Variants in IMPA2 observed in about 807,000 individuals in gnomAD.
IMPA2 encodes IMP 2.
In IMPA2, 32 loss-of-function variants were observed where a neutral mutation model predicts 35.1. The observed-to-expected ratio is 0.91, with a 90% confidence interval of 0.69 to 1.23. IMPA2 has a LOEUF of 1.23. Ranked by LOEUF, IMPA2 falls within the 50% of genes most tolerant of loss-of-function variation. IMPA2 has a pLI of 0.00. For synonymous variants in IMPA2, 135 were observed against 160.6 expected (o/e 0.84, Z 1.20); for missense variants, 334 against 387.6 (o/e 0.86, Z 1.16).
chr18:12,011,155 T>C (rs56701252), intron 3 of IMPA2, among the ~76,000 whole-genome samples: 2,538 of 152,274 alleles, frequency 0.017, 52 homozygotes, highest in African/African-American at 0.042. Context: ...TCCAGAGACA[T>C]AGTTTCCAGT....
intron 1 of IMPA2, among the ~76,000 whole-genome samples, chr18:11,998,503 C>T (rs753973418): frequency 2.6e-5 from 4 of 152,328 alleles, no homozygotes; most frequent in East Asian, 1.9e-4. Flanking sequence ...TTAGCTCTCC[C>T]GGGTTTCTCA....
At chr18:11,990,932 T>C (rs775414387) in intron 1 of IMPA2, among the ~76,000 whole-genome samples, 4 of 152,212 alleles carry the variant, frequency 2.6e-5, no homozygotes, top group Non-Finnish European at 5.9e-5. Context: ...TCAGAGTTAC[T>C]GTGTGGAATA....
chr18:12,028,565 A>G, intron 6 of IMPA2: 2 of 490,062 alleles, frequency 4.1e-6, no homozygotes, highest in East Asian at 3.4e-5. Flanking sequence ...TGTCACGTTC[A>G]GTAGAGGAGG....
intron 4 of IMPA2, 28 bp downstream of exon 4, chr18:12,012,243 C>A: frequency 6.3e-7 from 1 of 1,594,288 alleles, no homozygotes; most frequent in East Asian, 2.2e-5. Flanking sequence ...GTCCCCAGGG[C>A]CCCTCCCTGG....
chr18:11,988,194 TG>T (rs1477697562), intron 1 of IMPA2, among the ~76,000 whole-genome samples: 5 of 151,814 alleles, frequency 3.3e-5, no homozygotes, highest in Admixed American at 6.6e-5. Context: ...TTAGTAGAGA[TG>T]GGGTTTCACC....
chr18:12,008,353 A>C (rs766262092), intron 2 of IMPA2: 1 of 518,918 alleles, frequency 1.9e-6, no homozygotes, highest in South Asian at 1.4e-5. Context: ...TCTCTAGTAC[A>C]CATGTGAACC....
At chr18:11,990,358 A>AG (rs58393627) in intron 1 of IMPA2, among the ~76,000 whole-genome samples, 57,179 of 151,496 alleles carry the variant, frequency 0.38, 12,108 homozygotes, top group East Asian at 0.61. Flanking sequence ...TGTCTTTAGA[A>AG]AAAAAGCAGG....
chr18:12,020,650 ATTATC>A (rs1043324239), intron 5 of IMPA2, among the ~76,000 whole-genome samples: 4 of 151,176 alleles, frequency 2.6e-5, no homozygotes, highest in Admixed American at 2.6e-4. Context: ...TTTTCCACCA[ATTATC>A]TTATTTAAAA....
At chr18:11,997,238 C>T (rs549723724) in intron 1 of IMPA2, among the ~76,000 whole-genome samples, 2 of 152,308 alleles carry the variant, frequency 1.3e-5, no homozygotes, top group South Asian at 4.1e-4. Flanking sequence ...ACAGACAAGG[C>T]CTGTGGAGCT....
At chr18:12,024,228 T>C (rs1171462676) in intron 5 of IMPA2, among the ~76,000 whole-genome samples, 1 of 152,162 alleles carries the variant, frequency 6.6e-6, no homozygotes, top group East Asian at 1.9e-4. Flanking sequence ...AGCTATAAAA[T>C]CATTTTTAAA....
At position 12,010,026 on chromosome 18, in the gene IMPA2, C is replaced by A. The variant is rs778896648; in HGVS notation, c.335+39C>A. 8 of 1,462,338 alleles carry A rather than the reference C, an allele frequency of 5.5e-6. No individual in the cohort carries two copies. In the South Asian group the frequency reaches 9.1e-5, roughly 17 times the overall value. The allele number at this position is 1,462,338 out of a possible 1,614,324, so 90.6% of individuals were successfully genotyped here. ...GGATCGCCTCCATTGCAGGGCTTAA[C>A]ATGTCCTCTTCTGTGAGGTTTTGTC... On this transcript the variant is annotated intron_variant, in intron 3 of 7. Transcript: ENST00000269159. This position sits in a 1 kb window ranked among gnomAD's most constrained non-coding sequence, Gnocchi z 4.8.
chr18:12,029,896 G>T (rs1907998805), intron 7 of IMPA2, among the ~76,000 whole-genome samples: 1 of 152,220 alleles, frequency 6.6e-6, no homozygotes, highest in Non-Finnish European at 1.5e-5. Context: ...TCCCGCAGCA[G>T]CGGTGCACCC....
At position 12,014,291 on chromosome 18, in the gene IMPA2, CACA is replaced by C; in HGVS notation, c.409_411del (p.Thr137del). ...TTGAATTCGGAGTGATTTACCACTG[CACA>C]GAGGAGCGGCTGTACACGGGCCGGC... On this transcript the variant is annotated inframe_deletion, in exon 5 of 8. Coordinates refer to ENST00000269159, the MANE Select transcript of IMPA2 (RefSeq NM_014214.3). The C allele has an allele frequency of 6.2e-7, 1 of 1,613,972 alleles. No homozygotes were observed. Among genetic ancestry groups the C allele is most frequent in the Non-Finnish European group, 8.5e-7 (1 of 1,179,912 alleles).
At chr18:12,029,108 GTTTTT>G (rs1158665365) in intron 7 of IMPA2, 115 bp downstream of exon 7, 1,076 of 264,930 alleles carry the variant, frequency 4.1e-3, no homozygotes, top group East Asian at 0.011. Context: ...CAGAGTTTCT[GTTTTT>G]TTTTTTTTTT....
chr18:12,009,688 T>C (rs1907378272), intron 2 of IMPA2, among the ~76,000 whole-genome samples, 195 bp from the exon 3 acceptor site: 1 of 152,238 alleles, frequency 6.6e-6, no homozygotes, highest in African/African-American at 2.4e-5. Context: ...TTCTAAATCC[T>C]GCTGAGTAGG....
rs1598709574 is a variant in IMPA2, at chr18:12,030,623, C to T, written c.*165C>T. 6.7e-6 allele frequency: 4 copies of T among 596,712 alleles called. No homozygotes were observed. Among genetic ancestry groups the T allele is most frequent in the South Asian group, 4.0e-5 (2 of 49,964 alleles). 37.0% of individuals were successfully genotyped at this position (596,712 alleles called of 1,614,324 possible). A position where few individuals can be genotyped will look rare whatever the true frequency, so the allele number is the denominator to read the frequency against. The stretch of plus-strand genomic sequence containing the variant: ...GTGAGTGGCTGGCCTTTTAAATCGA[C>T]GTCTCTCTCACCAGGATTTGGTGTT... On this transcript the variant is annotated 3_prime_UTR_variant, in exon 8 of 8. Transcript: ENST00000269159.
In IMPA2 at chr18:11,981,762, A is replaced by G. The variant is rs867408241; in HGVS notation, c.93A>G (p.Gly31=). Residue 31 remains glycine, a synonymous_variant, in exon 1 of 8, where the codon GGA becomes GGG. Coordinates refer to ENST00000269159, the MANE Select transcript of IMPA2 (RefSeq NM_014214.3). The stretch of plus-strand genomic sequence containing the variant: ...CCGTGCAGCTGGCGCTGCGGGCAGG[A>G]CAGGTGAGCGCCACGGCTGGGCTCG... The part of the protein sequence containing the change: ...QAAVQLALRA[G]QIIRKALTEE... The G allele has an allele frequency of 2.5e-5, 31 of 1,225,586 alleles. No homozygotes were observed. The Middle Eastern group carries it at 1.6e-3, about 62-fold the overall frequency. 75.9% of individuals were successfully genotyped at this position (1,225,586 alleles called of 1,614,324 possible).
At chr18:12,022,556 T>TATATATATATATATATATATATA (rs1568038109) in intron 5 of IMPA2, among the ~76,000 whole-genome samples, 16 of 143,942 alleles carry the variant, frequency 1.1e-4, no homozygotes, top group South Asian at 2.2e-4. Flanking sequence ...TATATATATA[T>TATATATATATATATATATATATA]TTGTGTGTGT....
At chr18:11,994,937 A>T (rs1329116302) in intron 1 of IMPA2, 1 of 152,506 alleles carries the variant, frequency 6.6e-6, no homozygotes, top group East Asian at 1.9e-4. Context: ...GTGATGTTTG[A>T]ACTGAGTCAT....
Sources: allele counts gnomAD v4.1 joint callset (sites outside exome capture counted in the v4.1 genomes callset), GRCh38; gene constraint gnomAD v4.1.1; non-coding constraint Gnocchi (gnomAD v3.1); transcripts MANE v1.5; gene names NCBI Gene and HGNC (gene_info 2026-07-23, HGNC 2026-07-21).